ARMC2: variants seen among roughly 807,000 people sequenced by gnomAD.
ARMC2 encodes the protein armadillo repeat containing 2, also known as armadillo repeat-containing protein 2.
A neutral mutation model predicts 90.3 loss-of-function variants in ARMC2; 67 were observed. The observed-to-expected ratio is 0.74, with a 90% CI of 0.61 to 0.91. The LOEUF (loss-of-function observed/expected upper bound fraction) is 0.91, where lower values mean the gene tolerates loss of function less well. Ranked by LOEUF, ARMC2 falls within the 40% of genes least tolerant of loss-of-function variation. The pLI is 0.00. For synonymous variants in ARMC2, 393 were observed against 393.0 expected, an observed-to-expected ratio of 1.00 and a Z score of 0.00; for missense variants, 920 against 1,030.9, an observed-to-expected ratio of 0.89 and a Z score of 1.47.
At chr6:108,861,495 G>C (rs955494837) in intron 3 of ARMC2, among the ~76,000 whole-genome samples, 1 of 152,172 alleles carries the variant, frequency 6.6e-6, no homozygotes, top group Non-Finnish European at 1.5e-5. Flanking sequence ...TATAGTCCAT[G>C]TCCAAATGAC....
chr6:109,011,632 CTT>C, the ARMC2 span, among the ~76,000 whole-genome samples: 42 of 138,610 alleles, frequency 3.0e-4, no homozygotes, highest in African/African-American at 6.4e-4. Flanking sequence ...AATTTTTTTT[CTT>C]TTTTTTTTTT....
At chr6:108,971,005 C>T (rs77034723) in intron 17 of ARMC2, among the ~76,000 whole-genome samples, 1 of 151,768 alleles carries the variant, frequency 6.6e-6, no homozygotes, top group East Asian at 2.0e-4. Flanking sequence ...GGTGGATCAC[C>T]TGAGGTCAGG....
the ARMC2 span, chr6:109,001,556 G>C: frequency 7.6e-7 from 1 of 1,315,716 alleles, no homozygotes. Flanking sequence ...AAATATACAT[G>C]CGCTACACTC....
chr6:108,890,528 C>T (rs1770900856), intron 5 of ARMC2, among the ~76,000 whole-genome samples: 1 of 151,826 alleles, frequency 6.6e-6, no homozygotes, highest in South Asian at 2.1e-4. Context: ...AATTTTAGAC[C>T]AGCCTGGTCA....
chr6:108,907,127 TG>T (rs1772822797), intron 8 of ARMC2, among the ~76,000 whole-genome samples: 1 of 152,226 alleles, frequency 6.6e-6, no homozygotes, highest in Admixed American at 6.5e-5. Flanking sequence ...TTCTTTTCTT[TG>T]TTTTCATTTT....
chr6:108,964,198 C>A lies in ARMC2; in HGVS notation c.2171C>A (p.Ala724Glu), dbSNP rs772798314. 6.2e-7 allele frequency: 1 copy of A among 1,613,620 alleles called. No individual in the cohort carries two copies. The highest frequency in any genetic ancestry group is 1.7e-5 in the Admixed American group (1 of 59,960). The change falls in exon 16 of 18, where the codon GCG becomes GAG. Residue 724 changes from alanine to glutamate, a missense_variant. By Grantham distance (107) the Ala-to-Glu change is moderately radical (BLOSUM62 -1). Transcript: ENST00000392644. ...CTCGTAGTCCACAGGTTCATGATGG[C>A]GCTGCTGGATGCTCAGCATCAGGAT... ...VQNNVHRFMM[A>E]LLDAQHQDIC...
At chr6:108,869,133 G>A (rs1776127644) in intron 4 of ARMC2, 138 bp downstream of exon 4, 1 of 907,434 alleles carries the variant, frequency 1.1e-6, no homozygotes, top group African/African-American at 1.7e-5. Context: ...TTGGGCAAAA[G>A]CTGGCTAAGA....
At chr6:109,009,532 A>G in the ARMC2 span, 615 of 1,170,418 alleles carry the variant, frequency 5.3e-4, 7 homozygotes, top group African/African-American at 9.4e-3. Context: ...TCCTGGCTGC[A>G]GCGCCTCAGT....
intron 5 of ARMC2, among the ~76,000 whole-genome samples, chr6:108,877,306 T>G (rs1026342862): frequency 6.6e-6 from 1 of 152,186 alleles, no homozygotes; most frequent in African/African-American, 2.4e-5. Context: ...TGCTTAAAAC[T>G]TTTCCCCCAA....
intron 7 of ARMC2, among the ~76,000 whole-genome samples, chr6:108,902,146 A>G (rs1254183475): frequency 2.0e-5 from 3 of 152,156 alleles, no homozygotes; most frequent in African/African-American, 7.2e-5. Flanking sequence ...TTACTCTGAG[A>G]TTATGTTACT....
At chr6:108,910,804 T>C in intron 8 of ARMC2, 95 bp from the exon 9 acceptor site, 8 of 593,322 alleles carry the variant, frequency 1.3e-5, no homozygotes, top group Non-Finnish European at 2.2e-5. Context: ...TTAAAAATAC[T>C]GTTGCTGTAC....
rs377283356 is a variant in ARMC2 at position 108,922,402 on chromosome 6, C to T, written c.1351-5686C>T. 9.2e-5 allele frequency among the ~76,000 whole-genome samples: 14 copies of T among 152,178 alleles called. No individual in the cohort carries two copies. In the East Asian group the frequency reaches 1.2e-3, roughly 13 times the overall value. ...ATTCTCCTGCCTCAGCCATGAGAGT[C>T]GCTGGGATTACAGACCTGAGCCACT... On this transcript the variant is annotated intron_variant, in intron 10 of 17. Transcript: ENST00000392644.
intron 5 of ARMC2, among the ~76,000 whole-genome samples, chr6:108,888,509 TAA>T (rs1770606761): frequency 6.6e-6 from 1 of 152,198 alleles, no homozygotes. Flanking sequence ...AGAAAAAGAA[TAA>T]AGATTTGTTT....
chr6:108,906,936 A>G (rs1246959993), intron 8 of ARMC2, among the ~76,000 whole-genome samples: 1 of 152,360 alleles, frequency 6.6e-6, no homozygotes, highest in Admixed American at 6.5e-5. Context: ...AGCAAAGGAA[A>G]GGGAGAGTAA....
At position 108,858,209 on chromosome 6, in the gene ARMC2, T is replaced by A; in HGVS notation, c.229T>A (p.Ser77Thr). ...CATCTTTTATGCTAGCCTCCATGCA[T>A]CCAGTTTTGAGTCATCTGATTCCAG... ...RPPSSFSLHA[S>T]SFESSDSRPI... is the part of the protein sequence containing the mutation. Residue 77 changes from serine (S) to threonine (T), a missense_variant, in exon 3 of 18, where the codon TCC becomes ACC. By Grantham distance (58) the Ser-to-Thr change is moderately conservative. Transcript: ENST00000392644. The A allele has an allele frequency of 6.2e-7, 1 of 1,610,210 alleles. No individual in the cohort carries two copies. The highest frequency in any genetic ancestry group is 8.5e-7 in the Non-Finnish European group (1 of 1,177,154).
At position 108,960,358 on chromosome 6, in the gene ARMC2, C is replaced by T. The variant is rs143965474; in HGVS notation, c.1916-1214C>T. On this transcript the variant is annotated intron_variant, in intron 13 of 17. Coordinates refer to ENST00000392644, the MANE Select transcript of ARMC2 (RefSeq NM_032131.6). ...ACTCCCAGCTGCAGCCCTGCCTCTT[C>T]TCATCCTCACACTGTGGCCAGAAAT... 2.7e-3 allele frequency among the ~76,000 whole-genome samples: 413 copies of T among 152,350 alleles called. 3 individuals are homozygous for T. The highest frequency in any genetic ancestry group is 9.4e-3 in the African/African-American group (392 of 41,578).
At chr6:108,869,590 G>C (rs1375494430) in intron 4 of ARMC2, among the ~76,000 whole-genome samples, 2 of 152,196 alleles carry the variant, frequency 1.3e-5, no homozygotes, top group African/African-American at 2.4e-5. Context: ...TTTTAAATTA[G>C]AGTTCAAAAA....
chr6:108,907,125 T>C (rs1290122182), intron 8 of ARMC2, among the ~76,000 whole-genome samples: 2 of 152,214 alleles, frequency 1.3e-5, no homozygotes, highest in Non-Finnish European at 2.9e-5. Context: ...TTTTCTTTTC[T>C]TTGTTTTCAT....
chr6:108,856,641 G>C (rs969309690), intron 2 of ARMC2: 2 of 176,350 alleles, frequency 1.1e-5, no homozygotes, highest in African/African-American at 4.7e-5. Context: ...CAAATTCCTT[G>C]TGCTAGGCTG....
Sources: allele counts gnomAD v4.1 joint callset (sites outside exome capture counted in the v4.1 genomes callset), GRCh38; gene constraint gnomAD v4.1.1; transcripts MANE v1.5; gene names NCBI Gene and HGNC (gene_info 2026-07-23, HGNC 2026-07-21).